The following BCAT1 variants were observed in gnomAD, a reference collection of about 807,000 sequenced individuals.
The protein encoded by BCAT1 is branched chain amino acid transaminase 1.
In BCAT1, 48 loss-of-function variants were observed where a neutral mutation model predicts 52.4. The observed-to-expected ratio is 0.92, with a 90% confidence interval of 0.73 to 1.16. The LOEUF (loss-of-function observed/expected upper bound fraction) is 1.16, where lower values mean the gene tolerates loss of function less well. Among genes scored for constraint, BCAT1 ranks in the 50% most tolerant of loss-of-function variants. The pLI is 0.00. For synonymous variants in BCAT1, 167 were observed against 161.3 expected (o/e 1.04, Z -0.27); for missense variants, 451 against 457.1 (o/e 0.99, Z 0.12).
intron 3 of BCAT1, among the ~76,000 whole-genome samples, chr12:24,887,080 A>AAAAATATAT (rs1245203518): frequency 7.4e-4 from 30 of 40,744 alleles, no homozygotes; most frequent in Non-Finnish European, 1.0e-3. Context: ...AAAAAAAAAA[A>AAAAATATAT]ATATATATAT....
At position 24,903,086 on chromosome 12, in the gene BCAT1, G is replaced by C. The variant is rs951743996; in HGVS notation, c.7-1201C>G. On this transcript the variant is annotated intron_variant, in intron 1 of 10. Transcript: ENST00000261192. ...GCGGTGTGGCCAAGCCCCGGCGCAC[G>C]GCCCATAGGGCGCTGGGTACCACGA... 5.3e-5 allele frequency: 73 copies of C among 1,368,988 alleles called. 1 individual carries two copies. The highest frequency in any genetic ancestry group is 1.7e-5 in the South Asian group (1 of 59,226). 84.8% of individuals were successfully genotyped at this position (1,368,988 alleles called of 1,614,324 possible).
At chr12:24,831,836 G>A (rs1940679932) in intron 9 of BCAT1, among the ~76,000 whole-genome samples, 1 of 152,140 alleles carries the variant, frequency 6.6e-6, no homozygotes, top group Non-Finnish European at 1.5e-5. Flanking sequence ...ATAAGTATTG[G>A]AGCTTTGTTA....
chr12:24,934,061 T>TAA (rs1943718830), intron 1 of BCAT1, among the ~76,000 whole-genome samples: 1 of 152,218 alleles, frequency 6.6e-6, no homozygotes, highest in Non-Finnish European at 1.5e-5. Flanking sequence ...GTTCCTAGTT[T>TAA]CTGCCGGCAT....
At position 24,832,862 on chromosome 12, in the gene BCAT1, C is replaced by A. The variant is rs746702508; in HGVS notation, c.905G>T (p.Gly302Val). Residue 302 changes from glycine to valine, a missense_variant and splice_region_variant, in exon 9 of 11, where the codon GGT becomes GTT. Coordinates refer to ENST00000261192, the MANE Select transcript of BCAT1 (RefSeq NM_005504.7). ...RCILDLAHQW[G>V]EFKVSERYLT... ...GTATCTCTCTGACACCTTAAATTCA[C>A]CCTGCATGGAATATAAAAAATAACA... 30 of 1,606,484 alleles carry A rather than the reference C, an allele frequency of 1.9e-5. 1 individual carries two copies. The South Asian group carries it at 2.6e-4, about 14-fold the overall frequency.
Position 24,830,992 on chromosome 12 carries a change from G to A in BCAT1, c.1045-1095C>T, listed in dbSNP as rs117068768. Among the ~76,000 whole-genome samples the A allele has an allele frequency of 1.9e-3, 297 of 152,308 alleles. No individual in the cohort carries two copies. The East Asian group carries it at 0.032, about 16-fold the overall frequency. Reference sequence around the variant, plus strand: ...AAAGTAAAATTTGAAAACCAGTGGAGTTTGCATTTACGGTTGACACTTGAA... The same window carrying A: ...AAAGTAAAATTTGAAAACCAGTGGAATTTGCATTTACGGTTGACACTTGAA... On this transcript the variant is annotated intron_variant, in intron 9 of 10. Transcript: ENST00000261192.
intron 8 of BCAT1, chr12:24,833,834 T>C (rs1940801916): frequency 6.6e-6 from 1 of 151,372 alleles, no homozygotes; most frequent in African/African-American, 2.4e-5. Flanking sequence ...TTTTTTTTTT[T>C]TTTTAAGACA....
chr12:24,858,648 T>C (rs775051192), intron 5 of BCAT1, among the ~76,000 whole-genome samples: 5 of 152,210 alleles, frequency 3.3e-5, no homozygotes, highest in African/African-American at 1.2e-4. Flanking sequence ...ACCTGGTACA[T>C]AATTAAAACC....
chr12:24,939,089 G>A (rs1479018771), intron 1 of BCAT1, among the ~76,000 whole-genome samples: 1 of 152,150 alleles, frequency 6.6e-6, no homozygotes, highest in African/African-American at 2.4e-5. Flanking sequence ...GGTCAGGCTA[G>A]TCTCGAACTC....
At chr12:24,911,618 T>C (rs1943327898) in intron 1 of BCAT1, among the ~76,000 whole-genome samples, 1 of 152,160 alleles carries the variant, frequency 6.6e-6, no homozygotes. Context: ...ACGATGAAAC[T>C]CACTCTGCGA....
At chr12:24,865,630 T>C (rs1046065906) in intron 5 of BCAT1, among the ~76,000 whole-genome samples, 2 of 152,172 alleles carry the variant, frequency 1.3e-5, no homozygotes, top group African/African-American at 4.8e-5. Flanking sequence ...TGTATATGTG[T>C]ATGTTATATG....
chr12:24,885,076 A>G (rs1376805775), intron 3 of BCAT1, among the ~76,000 whole-genome samples: 1 of 152,202 alleles, frequency 6.6e-6, no homozygotes, highest in Admixed American at 6.5e-5. Flanking sequence ...ATGTACAACC[A>G]GTATAAAGCA....
intron 2 of BCAT1, among the ~76,000 whole-genome samples, chr12:24,900,951 C>T (rs1943087626): frequency 6.6e-6 from 1 of 152,128 alleles, no homozygotes; most frequent in Non-Finnish European, 1.5e-5. Context: ...AAAGAAATTG[C>T]AATATTCTAA....
chr12:24,839,250 G>T (rs976415807), intron 7 of BCAT1, among the ~76,000 whole-genome samples: 1 of 152,202 alleles, frequency 6.6e-6, no homozygotes, highest in African/African-American at 2.4e-5. Flanking sequence ...CTGAGAATGG[G>T]ATTTGTAAGC....
At chr12:24,911,790 A>G (rs1752745176) in intron 1 of BCAT1, among the ~76,000 whole-genome samples, 1 of 152,128 alleles carries the variant, frequency 6.6e-6, no homozygotes, top group Non-Finnish European at 1.5e-5. Context: ...GGTCATCTCC[A>G]GGTACCTTAA....
At chr12:24,930,059 T>A (rs1271455284) in intron 1 of BCAT1, among the ~76,000 whole-genome samples, 1 of 152,272 alleles carries the variant, frequency 6.6e-6, no homozygotes, top group Non-Finnish European at 1.5e-5. Context: ...CTCATTTGTC[T>A]GTGACCATTA....
At position 24,817,781 on chromosome 12, in the gene BCAT1, T is replaced by TAGGTA. The variant is rs1034948293; in HGVS notation, c.*222_*226dup. ...TATATGGCTTACATTAATGTTTTTCTAGGTAAGGTAAGGTAAGTTACTACT... is the reference window on the plus strand; with the variant it reads ...TATATGGCTTACATTAATGTTTTTCTAGGTAAGGTAAGGTAAGGTAAGTTACTACT... On this transcript the variant is annotated 3_prime_UTR_variant, in exon 11 of 11. Coordinates refer to ENST00000261192, the MANE Select transcript of BCAT1 (RefSeq NM_005504.7). 1.7e-4 allele frequency: 89 copies of TAGGTA among 519,118 alleles called. No individual in the cohort carries two copies. The highest frequency in any genetic ancestry group is 1.6e-3 in the African/African-American group (86 of 52,792). The allele number at this position is 519,118 out of a possible 1,614,324, so 32.2% of individuals were successfully genotyped here.
chr12:24,847,811 TTA>T (rs1941391701), intron 6 of BCAT1, among the ~76,000 whole-genome samples: 1 of 152,192 alleles, frequency 6.6e-6, no homozygotes, highest in African/African-American at 2.4e-5. Flanking sequence ...GTTCTTGACT[TTA>T]TGAGACTCAA....
intron 10 of BCAT1, among the ~76,000 whole-genome samples, chr12:24,821,807 G>A (rs1156953538): frequency 6.6e-6 from 1 of 152,178 alleles, no homozygotes; most frequent in Non-Finnish European, 1.5e-5. Context: ...CCAGCACTGT[G>A]AAACTGGAGG....
In BCAT1 at chr12:24,881,395, T is replaced by G; in HGVS notation, c.296A>C (p.Lys99Thr). 6.2e-7 allele frequency: 1 copy of G among 1,608,050 alleles called. No individual in the cohort carries two copies. The change falls in exon 4 of 11, where the codon AAG becomes ACG. Residue 99 changes from lysine (K) to threonine (T), a missense_variant. By Grantham distance (78) the Lys-to-Thr change is moderately conservative. Coordinates refer to ENST00000261192, the MANE Select transcript of BCAT1 (RefSeq NM_005504.7). ...HYAVELFEGL[K>T]AFRGVDNKIR... ...TTTATTATCTACTCCTCGAAATGCC[T>G]TCAATCCTTCAAATAACTGGAGATC...
Sources: gnomAD v4.1 joint callset for allele counts (sites outside exome capture counted in the v4.1 genomes callset) on GRCh38, gnomAD v4.1.1 for gene constraint, MANE v1.5 for transcripts, NCBI Gene and HGNC (gene_info 2026-07-23, HGNC 2026-07-21) for gene names.